The following LRP2 variants were observed in gnomAD, a reference collection of about 807,000 sequenced individuals.
The protein encoded by LRP2 is LDL receptor related protein 2, also known as low-density lipoprotein receptor-related protein 2.
In LRP2, 172 loss-of-function variants were observed where a neutral mutation model predicts 531.0. The observed-to-expected ratio is 0.32, with a 90% CI of 0.29 to 0.37. The LOEUF (loss-of-function observed/expected upper bound fraction) is 0.37, where lower values mean the gene tolerates loss of function less well. LRP2 is among the 10% of genes least tolerant of loss of function. The pLI, the probability that LRP2 is intolerant of heterozygous loss-of-function variation, is 1.00. For synonymous variants in LRP2, 1,992 were observed against 2,027.6 expected (o/e 0.98, Z 0.47); for missense variants, 5,167 against 5,868.3 (o/e 0.88, Z 3.90).
chr2:169,265,602 C>T (rs1026103087), intron 16 of LRP2, among the ~76,000 whole-genome samples: 4 of 151,950 alleles, frequency 2.6e-5, no homozygotes, highest in Non-Finnish European at 4.4e-5. Context: ...AGATATTAGA[C>T]GTCACTAGAG....
At chr2:169,145,663 TGCCATCTTCCA>T (rs1685880478) in intron 70 of LRP2, 73 bp downstream of exon 70, 1 of 1,320,568 alleles carries the variant, frequency 7.6e-7, no homozygotes, top group Admixed American at 1.7e-5. Flanking sequence ...TGTTATCTAC[TGCCATCTTCCA>T]GCAATATAGC....
In LRP2 at chr2:169,185,667, G is replaced by A; in HGVS notation, c.9681C>T (p.Asp3227=). The A allele has an allele frequency of 6.2e-7, 1 of 1,614,086 alleles. No homozygotes were observed. The highest frequency in any genetic ancestry group is 8.5e-7 in the Non-Finnish European group (1 of 1,180,010). Residue 3227 remains aspartate (D), a synonymous_variant, in exon 50 of 79, where the codon GAC becomes GAT. Transcript: ENST00000649046. ...YFYSLILEGL[D]NVVALDFDRV... ...GGTCAAAATCTAATGCCACAACATT[G>A]TCCAGTCCTTCCAAGATGAGGGAGT... is the stretch of plus-strand genomic sequence containing the variant.
chr2:169,263,844 C>G (rs1049663290), intron 16 of LRP2, among the ~76,000 whole-genome samples: 32 of 151,888 alleles, frequency 2.1e-4, no homozygotes, highest in African/African-American at 7.3e-4. Flanking sequence ...TTGGAACCAA[C>G]CCAAATGTCC....
intron 41 of LRP2, 65 bp from the exon 42 acceptor site, chr2:169,204,336 G>T: frequency 6.9e-7 from 1 of 1,442,480 alleles, no homozygotes; most frequent in Non-Finnish European, 9.6e-7. Flanking sequence ...TCAACTGGCA[G>T]CCCAATGCAT....
intron 7 of LRP2, among the ~76,000 whole-genome samples, 191 bp downstream of exon 7, chr2:169,292,062 C>T (rs994723628): frequency 8.5e-5 from 13 of 152,134 alleles, no homozygotes; most frequent in African/African-American, 2.9e-4. Context: ...TGTTCTGAAT[C>T]TTCTTAGGAG....
intron 1 of LRP2, among the ~76,000 whole-genome samples, chr2:169,321,851 T>C (rs1684917186): frequency 6.6e-6 from 1 of 152,240 alleles, no homozygotes; most frequent in South Asian, 2.1e-4. Flanking sequence ...AAGGACAATA[T>C]AACTTAAACA....
chr2:169,179,204 G>A (rs760776615), intron 52 of LRP2, among the ~76,000 whole-genome samples: 108 of 151,892 alleles, frequency 7.1e-4, no homozygotes, highest in Middle Eastern at 3.4e-3. Flanking sequence ...ACAGGGTTTC[G>A]TCATGTTGCC....
chr2:169,149,853 A>T (rs1057511563), intron 68 of LRP2, among the ~76,000 whole-genome samples: 1 of 152,142 alleles, frequency 6.6e-6, no homozygotes. Flanking sequence ...ATTAAAAAAA[A>T]AAAAGAATTT....
In LRP2 at chr2:169,235,942, G is replaced by A. The variant is rs975037808; in HGVS notation, c.4818C>T (p.Asp1606=). ...TGAAGTAGAGCAGTCTGTTGGGGTA[G>A]TCAATAGTTAAGCCGCAGGGCCAGA... is the stretch of plus-strand genomic sequence containing the variant. ...KIFWPCGLTI[D]YPNRLLYFMD... is the part of the protein sequence containing the mutation. Residue 1606 remains aspartate (D), a synonymous_variant, in exon 29 of 79, where the codon GAC becomes GAT. Coordinates refer to ENST00000649046, the MANE Select transcript of LRP2 (RefSeq NM_004525.3). The A allele has an allele frequency of 1.4e-5, 23 of 1,614,060 alleles. No homozygotes were observed. The highest frequency in any genetic ancestry group is 1.8e-5 in the Non-Finnish European group (21 of 1,180,032).
chr2:169,313,939 G>C (rs62171275), intron 3 of LRP2, among the ~76,000 whole-genome samples: 8 of 152,194 alleles, frequency 5.3e-5, no homozygotes, highest in Non-Finnish European at 1.2e-4. Flanking sequence ...AGAGTCCATA[G>C]ATATCAGCGT....
chr2:169,188,445 A>G (rs968942472), intron 48 of LRP2, among the ~76,000 whole-genome samples, 180 bp from the exon 49 acceptor site: 1 of 152,132 alleles, frequency 6.6e-6, no homozygotes, highest in African/African-American at 2.4e-5. Flanking sequence ...CTAATCGCCA[A>G]TTCTAGAAGA....
intron 54 of LRP2, 92 bp downstream of exon 54, chr2:169,176,319 T>C (rs1214988271): frequency 1.4e-6 from 2 of 1,464,084 alleles, no homozygotes; most frequent in Middle Eastern, 2.3e-4. Flanking sequence ...AAATCTTGTC[T>C]CACTAGAAAA....
At chr2:169,141,319 C>G (rs912970823) in intron 71 of LRP2, among the ~76,000 whole-genome samples, 3 of 152,194 alleles carry the variant, frequency 2.0e-5, no homozygotes, top group Non-Finnish European at 4.4e-5. Context: ...ATCCTCATCC[C>G]TCTTCCTCTG....
At chr2:169,255,195 C>T (rs895983780) in intron 19 of LRP2, among the ~76,000 whole-genome samples, 1 of 152,106 alleles carries the variant, frequency 6.6e-6, no homozygotes, top group African/African-American at 2.4e-5. Context: ...AACATGACCC[C>T]TCTAACTGGA....
Position 169,154,583 on chromosome 2 carries a change from G to A in LRP2, c.12172C>T (p.Leu4058=), listed in dbSNP as rs758962533. The A allele has an allele frequency of 6.8e-6, 11 of 1,613,552 alleles. No individual in the cohort carries two copies. Among genetic ancestry groups the A allele is most frequent in the Admixed American group, 6.7e-5 (4 of 59,978 alleles). Reference sequence around the variant, plus strand: ...TTTCGAATTCGGACATTGTCAGGCAGTAGCAACAAAGGAGAGCTACCTGTA... The same window carrying A: ...TTTCGAATTCGGACATTGTCAGGCAATAGCAACAAAGGAGAGCTACCTGTA... ...AAEGSSPLLL[L]PDNVRIRKYN... Residue 4058 remains leucine, a synonymous_variant, in exon 66 of 79, where the codon CTG becomes TTG. Transcript: ENST00000649046.
At chr2:169,329,987 T>G (rs1240194322) in intron 1 of LRP2, among the ~76,000 whole-genome samples, 2 of 152,236 alleles carry the variant, frequency 1.3e-5, no homozygotes, top group African/African-American at 4.8e-5. Context: ...CAAACCCTGT[T>G]GTAAACTGCA....
At chr2:169,281,577 G>A (rs1292528603) in intron 10 of LRP2, among the ~76,000 whole-genome samples, 1 of 151,806 alleles carries the variant, frequency 6.6e-6, no homozygotes, top group African/African-American at 2.4e-5. Context: ...AAATTAGCTG[G>A]GTGTGGTGGC....
intron 63 of LRP2, among the ~76,000 whole-genome samples, chr2:169,161,706 T>C (rs1323173534): frequency 6.6e-6 from 1 of 152,124 alleles, no homozygotes; most frequent in African/African-American, 2.4e-5. Context: ...ACTCCTGGGC[T>C]CAAGAGATTT....
Position 169,270,970 on chromosome 2 carries a change from C to T in LRP2, c.2254G>A (p.Asp752Asn), listed in dbSNP as rs1450270592. ...ATATCTGAAAAAAAGATAGTGCTGT[C>T]CTGGGCGTCAAAATCAATCCCGACA... ...FFVGIDFDAQDSTIFFSDMSK... is the reference protein window; with the variant it reads ...FFVGIDFDAQNSTIFFSDMSK... Residue 752 changes from aspartate to asparagine, a missense_variant, in exon 16 of 79, where the codon GAC (aspartate) becomes AAC (asparagine). This residue lies in a region of LRP2 where 2,811 missense variants were observed against 3,058.0 expected (regional missense o/e 0.92). Transcript: ENST00000649046. 1.2e-6 allele frequency: 2 copies of T among 1,613,250 alleles called. No homozygotes were observed. Among genetic ancestry groups the T allele is most frequent in the Admixed American group, 3.3e-5 (2 of 59,858 alleles).
Sources: allele counts gnomAD v4.1 joint callset (sites outside exome capture counted in the v4.1 genomes callset), GRCh38; gene constraint gnomAD v4.1.1; regional missense constraint gnomAD v4.1.1; transcripts MANE v1.5; gene names NCBI Gene and HGNC (gene_info 2026-07-23, HGNC 2026-07-21).